The following PRSS23 variants were observed in gnomAD, a reference collection of about 807,000 sequenced individuals.
PRSS23 encodes serine protease 23, also known as protease, serine 23.
PRSS23 carries 25 observed loss-of-function variants against 34.7 expected under a neutral mutation model. The ratio of observed to expected loss-of-function variants is 0.72; its 90% CI spans 0.53 to 1.01. PRSS23 has a LOEUF of 1.01. PRSS23 is among the 50% of genes least tolerant of loss of function. The pLI, the probability that PRSS23 is intolerant of heterozygous loss-of-function variation, is 0.00. For missense variants in PRSS23, 445 were observed against 475.6 expected, an observed-to-expected ratio of 0.94 and a Z score of 0.60; for synonymous variants, 176 against 186.6, an observed-to-expected ratio of 0.94 and a Z score of 0.46.
intron 2 of PRSS23, among the ~76,000 whole-genome samples, chr11:86,882,961 C>T (rs1220371695): frequency 6.6e-6 from 1 of 152,096 alleles, no homozygotes; most frequent in African/African-American, 2.4e-5. Context: ...CAGTGATGTT[C>T]AGCTTTTTTT....
chr11:86,897,260 C>CT (rs1233652522), intron 2 of PRSS23, among the ~76,000 whole-genome samples: 4 of 152,082 alleles, frequency 2.6e-5, no homozygotes, highest in Non-Finnish European at 5.9e-5. Flanking sequence ...ACATAAAGTG[C>CT]TTTTTTTATT....
At chr11:86,885,419 A>G (rs1948796520) in intron 2 of PRSS23, among the ~76,000 whole-genome samples, 1 of 152,218 alleles carries the variant, frequency 6.6e-6, no homozygotes, top group African/African-American at 2.4e-5. Context: ...CTTGGCTAGG[A>G]CACAGTGCCC....
chr11:86,902,181 G>C (rs1210750064), intron 2 of PRSS23, among the ~76,000 whole-genome samples: 1 of 152,098 alleles, frequency 6.6e-6, no homozygotes, highest in Non-Finnish European at 1.5e-5. Flanking sequence ...CATTTAGGAA[G>C]ATTATGTACT....
chr11:86,849,073 C>T (rs1948510327), intron 2 of PRSS23, among the ~76,000 whole-genome samples: 1 of 152,164 alleles, frequency 6.6e-6, no homozygotes, highest in African/African-American at 2.4e-5. Context: ...CTGAGGGTGC[C>T]TGGAGCAAGT....
chr11:86,832,497 G>A (rs1590884686), intron 2 of PRSS23: 1 of 265,210 alleles, frequency 3.8e-6, no homozygotes, highest in South Asian at 4.2e-5. Context: ...ACTACAAAAG[G>A]AATGGAACAG....
chr11:86,876,096 T>C (rs970210916), intron 2 of PRSS23, among the ~76,000 whole-genome samples: 1 of 152,174 alleles, frequency 6.6e-6, no homozygotes, highest in African/African-American at 2.4e-5. Context: ...TGCAATGCAA[T>C]TAATAACCCT....
intron 2 of PRSS23, among the ~76,000 whole-genome samples, chr11:86,879,828 G>C (rs1209205831): frequency 9.1e-6 from 1 of 109,322 alleles, no homozygotes; most frequent in Non-Finnish European, 1.9e-5. Context: ...GGTGGGGGGG[G>C]TCAGCCCCCC....
chr11:86,904,515 G>A (rs1948930046), intron 2 of PRSS23, among the ~76,000 whole-genome samples: 1 of 152,132 alleles, frequency 6.6e-6, no homozygotes, highest in Non-Finnish European at 1.5e-5. Context: ...TTCCCAGGAA[G>A]CCTTTCTCAA....
At chr11:86,857,454 T>C in intron 2 of PRSS23, 1 of 383,530 alleles carries the variant, frequency 2.6e-6, no homozygotes, top group Non-Finnish European at 5.1e-6. Flanking sequence ...GGTTGAGAAG[T>C]TGAGATGGGT....
intron 1 of PRSS23, among the ~76,000 whole-genome samples, chr11:86,803,072 T>C (rs997425492): frequency 6.6e-6 from 1 of 152,190 alleles, no homozygotes; most frequent in Non-Finnish European, 1.5e-5. Context: ...CATTCTTCCC[T>C]GCCAGTTAGG....
intron 1 of PRSS23, among the ~76,000 whole-genome samples, chr11:86,817,544 G>GGACCT (rs1471660363): frequency 6.6e-6 from 1 of 152,180 alleles, no homozygotes; most frequent in African/African-American, 2.4e-5. Context: ...CTTGTCTGGT[G>GGACCT]GACCTGAACA....
At chr11:86,923,315 TGGG>T (rs1949058908) in intron 2 of PRSS23, among the ~76,000 whole-genome samples, 1 of 152,072 alleles carries the variant, frequency 6.6e-6, no homozygotes, top group Non-Finnish European at 1.5e-5. Flanking sequence ...TTTGTAGAGA[TGGG>T]GTCTTGCCGT....
At chr11:86,812,657 G>A (rs4291699), downstream of PRSS23, among the ~76,000 whole-genome samples, 34,722 of 151,646 alleles carry the variant, frequency 0.23, 4,254 homozygotes, top group East Asian at 0.42. Context: ...GCATGGTGGC[G>A]CATGCCTGTA....
chr11:86,927,748 G>A (rs1049794925), intron 2 of PRSS23, among the ~76,000 whole-genome samples: 52 of 152,104 alleles, frequency 3.4e-4, no homozygotes, highest in Non-Finnish European at 8.8e-5. Flanking sequence ...TAGGCCGGGC[G>A]TGGTGGCTCA....
chr11:86,914,720 T>G (rs919547807), intron 2 of PRSS23, among the ~76,000 whole-genome samples: 21 of 152,236 alleles, frequency 1.4e-4, no homozygotes, highest in African/African-American at 4.8e-4. Flanking sequence ...ATTGCACATA[T>G]AAAAACTTTC....
intron 2 of PRSS23, among the ~76,000 whole-genome samples, chr11:86,889,175 C>A (rs903655705): frequency 6.6e-6 from 1 of 152,188 alleles, no homozygotes; most frequent in Non-Finnish European, 1.5e-5. Context: ...GTATGTAGAG[C>A]AGGCACTGCC....
In PRSS23 at chr11:86,833,146, G is replaced by A. The variant is rs1284902220; in HGVS notation, c.206+9553G>A. ...TCTTTCTTCCATGCCTCCAAAAACA[G>A]CAAAGAGAGACATCTGAGTCAGGCA... On this transcript the variant is annotated intron_variant, in intron 2 of 2. Coordinates refer to the PRSS23 transcript ENST00000533902. The A allele has an allele frequency of 5.2e-6, 4 of 771,370 alleles. No individual in the cohort carries two copies. The East Asian group carries it at 8.2e-5, about 16-fold the overall frequency. 47.8% of individuals were successfully genotyped at this position (771,370 alleles called of 1,614,324 possible). A position where few individuals can be genotyped will look rare whatever the true frequency, so the allele number is the denominator to read the frequency against.
chr11:86,824,636 C>A (rs1306708379), intron 2 of PRSS23, among the ~76,000 whole-genome samples: 2 of 114,830 alleles, frequency 1.7e-5, no homozygotes, highest in Admixed American at 1.0e-4. Context: ...CCCCTCCCCC[C>A]ACCCCACAAC....
chr11:86,870,068 G>A (rs1229176813), intron 2 of PRSS23, among the ~76,000 whole-genome samples: 5 of 152,120 alleles, frequency 3.3e-5, no homozygotes, highest in Admixed American at 2.0e-4. Context: ...GAATGACTCC[G>A]CCTGGCCTGG....
Sources: gnomAD v4.1 joint callset for allele counts (sites outside exome capture counted in the v4.1 genomes callset) on GRCh38, gnomAD v4.1.1 for gene constraint, MANE v1.5 for transcripts, NCBI Gene and HGNC (gene_info 2026-07-23, HGNC 2026-07-21) for gene names.